SORL1: variants seen among roughly 807,000 people sequenced by gnomAD.
SORL1 encodes sortilin-related receptor.
In SORL1, 127 loss-of-function variants were observed where a neutral mutation model predicts 273.7. The ratio of observed to expected loss-of-function variants is 0.46; its 90% CI spans 0.40 to 0.54. The LOEUF (loss-of-function observed/expected upper bound fraction) is 0.54, where lower values mean the gene tolerates loss of function less well. Ranked by LOEUF, SORL1 falls within the 20% of genes least tolerant of loss-of-function variation. SORL1 has a pLI of 0.00. For synonymous variants in SORL1, 1,031 were observed against 1,067.4 expected, an observed-to-expected ratio of 0.97 and a Z score of 0.66; for missense variants, 2,494 against 2,846.1, an observed-to-expected ratio of 0.88 and a Z score of 2.81.
intron 6 of SORL1, among the ~76,000 whole-genome samples, chr11:121,508,282 C>T (rs986589542): frequency 1.3e-5 from 2 of 152,186 alleles, no homozygotes; most frequent in African/African-American, 4.8e-5. Context: ...ACTCACGGCT[C>T]TTATGTGCTT....
chr11:121,523,128 A>G, intron 11 of SORL1, 139 bp downstream of exon 11: 1 of 648,324 alleles, frequency 1.5e-6, no homozygotes, highest in Non-Finnish European at 2.8e-6. Flanking sequence ...TAAAGTAAAG[A>G]AAGGTACCTG....
At chr11:121,485,625 C>A (rs1861462392) in intron 3 of SORL1, among the ~76,000 whole-genome samples, 2 of 152,168 alleles carry the variant, frequency 1.3e-5, no homozygotes, top group Non-Finnish European at 2.9e-5. Context: ...TTTTTGGATT[C>A]TCCAATGTGA....
At chr11:121,502,932 C>T (rs1051143405) in intron 6 of SORL1, among the ~76,000 whole-genome samples, 2 of 152,012 alleles carry the variant, frequency 1.3e-5, no homozygotes, top group East Asian at 1.9e-4. Flanking sequence ...TACAGCGGAG[C>T]GATTGTGGCT....
intron 12 of SORL1, among the ~76,000 whole-genome samples, chr11:121,535,840 ACTTTGTTTTGCT>A (rs1862259372): frequency 6.6e-6 from 1 of 152,188 alleles, no homozygotes; most frequent in East Asian, 1.9e-4. Flanking sequence ...GAAGTGGAAC[ACTTTGTTTTGCT>A]CTTGTGTCTA....
intron 24 of SORL1, among the ~76,000 whole-genome samples, chr11:121,575,760 C>T (rs963398176): frequency 6.6e-6 from 1 of 152,190 alleles, no homozygotes; most frequent in Non-Finnish European, 1.5e-5. Flanking sequence ...CTTCCCAGCA[C>T]TCTTAGAAGG....
intron 2 of SORL1, among the ~76,000 whole-genome samples, chr11:121,471,370 C>T (rs113857519): frequency 6.6e-6 from 1 of 152,204 alleles, no homozygotes; most frequent in African/African-American, 2.4e-5. Flanking sequence ...ATAGTTTTTA[C>T]AGACACCGCG....
At position 121,507,944 on chromosome 11, in the gene SORL1, G is replaced by T. The variant is rs1306447051; in HGVS notation, c.940-5059G>T. On this transcript the variant is annotated intron_variant, in intron 6 of 47. Transcript: ENST00000260197. ...GGGTTTTGTGTTGTTGCTGTTTGTTGTTGCTGTTTTTGTTGTTGTTGTTAT... is the reference window on the plus strand; with the variant it reads ...GGGTTTTGTGTTGTTGCTGTTTGTTTTTGCTGTTTTTGTTGTTGTTGTTAT... Among the ~76,000 whole-genome samples the T allele has an allele frequency of 2.0e-5, 3 of 152,200 alleles. No individual in the cohort carries two copies. The East Asian group carries it at 5.8e-4, about 29-fold the overall frequency.
rs1474619094 is a variant in SORL1, at chr11:121,559,753, G to A, written c.3049+96G>A. On this transcript the variant is annotated intron_variant, in intron 21 of 47. Coordinates refer to ENST00000260197, the MANE Select transcript of SORL1 (RefSeq NM_003105.6). Reference sequence around the variant, plus strand: ...TGCTCAGAGTAGGAGCTGGCAGCCTGCATCTTTGTTGTCACGACAACATGC... The same window carrying A: ...TGCTCAGAGTAGGAGCTGGCAGCCTACATCTTTGTTGTCACGACAACATGC... The A allele has an allele frequency of 4.4e-6, 5 of 1,129,270 alleles. No homozygotes were observed. The South Asian group carries it at 4.5e-5, about 10-fold the overall frequency. The allele number at this position is 1,129,270 out of a possible 1,614,324, so 70.0% of individuals were successfully genotyped here.
chr11:121,533,161 C>CAAT (rs34500720), intron 12 of SORL1, among the ~76,000 whole-genome samples: 28 of 151,610 alleles, frequency 1.8e-4, no homozygotes, highest in Non-Finnish European at 2.9e-4. Flanking sequence ...TAATAAATAG[C>CAAT]AATAATAATA....
chr11:121,589,217 A>G (rs771507580), intron 28 of SORL1, 42 bp from the exon 29 acceptor site: 76 of 1,609,308 alleles, frequency 4.7e-5, no homozygotes, highest in Non-Finnish European at 5.9e-5. Flanking sequence ...ACCCCTCAGC[A>G]TGGAAGTTCC....
At chr11:121,487,599 A>T (rs1861493926) in intron 3 of SORL1, among the ~76,000 whole-genome samples, 2 of 152,302 alleles carry the variant, frequency 1.3e-5, no homozygotes, top group South Asian at 4.1e-4. Flanking sequence ...TGCTTGGAGG[A>T]TGCAGGGAGA....
intron 3 of SORL1, among the ~76,000 whole-genome samples, chr11:121,486,163 T>C (rs1466517318): frequency 6.6e-6 from 1 of 152,218 alleles, no homozygotes; most frequent in African/African-American, 2.4e-5. Flanking sequence ...ACTTCTAGGA[T>C]GTCAATGACT....
intron 25 of SORL1, among the ~76,000 whole-genome samples, 173 bp downstream of exon 25, chr11:121,577,573 A>G (rs539013421): frequency 7.5e-4 from 114 of 152,386 alleles, no homozygotes; most frequent in African/African-American, 2.6e-3. Context: ...AACCTGTGCC[A>G]GAATGTAAAT....
intron 2 of SORL1, among the ~76,000 whole-genome samples, chr11:121,474,534 G>A (rs1343492669): frequency 6.6e-6 from 1 of 152,150 alleles, no homozygotes; most frequent in Non-Finnish European, 1.5e-5. Context: ...TCACTTTCAA[G>A]GACCATCTTT....
chr11:121,526,340 A>G (rs1464292723), intron 11 of SORL1, among the ~76,000 whole-genome samples: 4 of 152,184 alleles, frequency 2.6e-5, no homozygotes, highest in Non-Finnish European at 5.9e-5. Flanking sequence ...CTTTTCACTA[A>G]TACCAAATTA....
At chr11:121,518,770 T>C (rs913560125) in intron 8 of SORL1, among the ~76,000 whole-genome samples, 1 of 152,120 alleles carries the variant, frequency 6.6e-6, no homozygotes, top group Admixed American at 6.5e-5. Flanking sequence ...CTCCTAGTGT[T>C]CCTTTTCCTG....
intron 5 of SORL1, among the ~76,000 whole-genome samples, chr11:121,492,534 T>C (rs2134817069): frequency 6.6e-6 from 1 of 152,326 alleles, no homozygotes; most frequent in African/African-American, 2.4e-5. Context: ...TATTTGTCTT[T>C]CTCCCTTCAA....
Position 121,633,581 on chromosome 11 carries a change from C to G in SORL1, c.*4018C>G, listed in dbSNP as rs1367269523. On this transcript the variant is annotated 3_prime_UTR_variant, in exon 48 of 48. Transcript: ENST00000260197. Reference sequence around the variant, plus strand: ...TAAGTTTCCAAGTCACTGAAATCTGCTGAAGGTTTTACTGTATTGTTGCAC... The same window carrying G: ...TAAGTTTCCAAGTCACTGAAATCTGGTGAAGGTTTTACTGTATTGTTGCAC... 1 of 152,178 alleles carries G rather than the reference C, an allele frequency of 6.6e-6. No individual in the cohort carries two copies. The highest frequency in any genetic ancestry group is 6.5e-5 in the Admixed American group (1 of 15,288). 9.4% of individuals were successfully genotyped at this position (152,178 alleles called of 1,614,324 possible).
intron 10 of SORL1, 105 bp downstream of exon 10, chr11:121,522,808 T>A (rs1862061092): frequency 3.7e-6 from 5 of 1,364,232 alleles, no homozygotes; most frequent in Non-Finnish European, 5.3e-6. Flanking sequence ...CGCTTTGTGG[T>A]TTGAAAGCAT....
Sources: gnomAD v4.1 joint callset for allele counts (sites outside exome capture counted in the v4.1 genomes callset) on GRCh38, gnomAD v4.1.1 for gene constraint, MANE v1.5 for transcripts, NCBI Gene and HGNC (gene_info 2026-07-23, HGNC 2026-07-21) for gene names.